SRPK2: variants seen among roughly 807,000 people sequenced by gnomAD.
SRPK2 encodes SRSF protein kinase 2, also known as SFRS protein kinase 2.
A neutral mutation model predicts 90.8 loss-of-function variants in SRPK2; 21 were observed. The observed-to-expected ratio is 0.23, with a 90% CI of 0.16 to 0.33. The LOEUF is 0.33. SRPK2 is among the 10% of genes least tolerant of loss of function. The pLI is 1.00. For missense variants in SRPK2, 620 were observed against 869.0 expected (o/e 0.71, Z 3.60); for synonymous variants, 288 against 311.1 (o/e 0.93, Z 0.78).
At chr7:105,257,103 T>C (rs1803428071) in intron 2 of SRPK2, among the ~76,000 whole-genome samples, 1 of 152,230 alleles carries the variant, frequency 6.6e-6, no homozygotes, top group African/African-American at 2.4e-5. Flanking sequence ...TGATATTCTG[T>C]ACAAAACCTA....
intron 2 of SRPK2, chr7:105,244,952 C>A: frequency 6.8e-7 from 1 of 1,461,656 alleles, no homozygotes; most frequent in Non-Finnish European, 9.4e-7. Flanking sequence ...TGAGGAAAGC[C>A]GCTGCCAAGA....
chr7:105,156,493 T>C (rs1022964029), intron 7 of SRPK2, among the ~76,000 whole-genome samples: 1 of 152,096 alleles, frequency 6.6e-6, no homozygotes, highest in South Asian at 2.1e-4. Context: ...GAGGAAGGTA[T>C]CATTTTTGTT....
chr7:105,204,706 G>T (rs1795981092), intron 2 of SRPK2: 2 of 848,074 alleles, frequency 2.4e-6, no homozygotes, highest in African/African-American at 3.4e-5. Flanking sequence ...GCTGCGTCTA[G>T]AAGAACAAGC....
chr7:105,311,982 T>C (rs148701365), intron 2 of SRPK2, among the ~76,000 whole-genome samples: 272 of 152,296 alleles, frequency 1.8e-3, no homozygotes, highest in African/African-American at 6.2e-3. Flanking sequence ...AGTAAACAAA[T>C]TGTGGTACAT....
chr7:105,206,017 C>G, intron 2 of SRPK2: 1 of 518,870 alleles, frequency 1.9e-6, no homozygotes, highest in African/African-American at 1.9e-5. Flanking sequence ...CAGTGCACGG[C>G]ACTACTGTAC....
chr7:105,351,334 C>T (rs1481652074), intron 2 of SRPK2, among the ~76,000 whole-genome samples: 1 of 151,916 alleles, frequency 6.6e-6, no homozygotes, highest in Non-Finnish European at 1.5e-5. Context: ...AATTCCTTTT[C>T]TTTATAAATT....
chr7:105,253,651 TAC>T (rs1262271462), intron 2 of SRPK2, among the ~76,000 whole-genome samples: 1 of 152,176 alleles, frequency 6.6e-6, no homozygotes, highest in Non-Finnish European at 1.5e-5. Flanking sequence ...GTCCTGAGAC[TAC>T]ACAGAGAGCA....
chr7:105,333,076 C>A (rs1305431516), intron 2 of SRPK2, among the ~76,000 whole-genome samples: 1 of 151,966 alleles, frequency 6.6e-6, no homozygotes, highest in Non-Finnish European at 1.5e-5. Flanking sequence ...CGCCTGTAAT[C>A]CCAGCCACTT....
At chr7:105,386,972 A>G (rs1821689410) in intron 2 of SRPK2, among the ~76,000 whole-genome samples, 1 of 152,204 alleles carries the variant, frequency 6.6e-6, no homozygotes, top group Non-Finnish European at 1.5e-5. Flanking sequence ...CTTCATCAAC[A>G]TACCACATAA....
intron 2 of SRPK2, among the ~76,000 whole-genome samples, chr7:105,317,992 C>A (rs1812494290): frequency 2.0e-5 from 3 of 152,172 alleles, no homozygotes. Context: ...CTCAAGCAAT[C>A]CACCCGACTC....
chr7:105,322,365 C>T lies in SRPK2; in HGVS notation c.71+66283G>A, dbSNP rs1000988669. Among the ~76,000 whole-genome samples, 6 of 151,358 alleles carry T rather than the reference C, an allele frequency of 4.0e-5. No homozygotes were observed. In the East Asian group the frequency reaches 5.8e-4, roughly 15 times the overall value. On this transcript the variant is annotated intron_variant, in intron 2 of 15. Transcript: ENST00000393651. ...CCAAGAGGTGGAGGCTGCAGTGCAC[C>T]GAGATCGTGACACGGCACTTCAGCC... is the stretch of plus-strand genomic sequence containing the variant.
At chr7:105,286,431 G>T (rs1808111727) in intron 2 of SRPK2, among the ~76,000 whole-genome samples, 1 of 152,122 alleles carries the variant, frequency 6.6e-6, no homozygotes, top group Non-Finnish European at 1.5e-5. Flanking sequence ...CCATAAAGAA[G>T]ATCAAAATTT....
chr7:105,329,242 C>A (rs1461905984), intron 2 of SRPK2, among the ~76,000 whole-genome samples: 1 of 151,962 alleles, frequency 6.6e-6, no homozygotes, highest in Non-Finnish European at 1.5e-5. Flanking sequence ...AAGCTCTTTT[C>A]TAAAATACAA....
intron 13 of SRPK2, among the ~76,000 whole-genome samples, chr7:105,131,544 G>A (rs1802003090): frequency 6.6e-6 from 1 of 152,148 alleles, no homozygotes; most frequent in Non-Finnish European, 1.5e-5. Flanking sequence ...GAAAGGCCTG[G>A]TGTTTCAGGA....
At chr7:105,170,896 AAAGAAAGAAAGAAAGAAAG>A in intron 3 of SRPK2, among the ~76,000 whole-genome samples, 1 of 106,204 alleles carries the variant, frequency 9.4e-6, no homozygotes, top group South Asian at 3.3e-4. Flanking sequence ...AGAAAGAAAG[AAAGAAAGAAAGAAAGAAAG>A]GAGAAAGAAA....
chr7:105,366,215 TCTC>T (rs2132349750), intron 2 of SRPK2, among the ~76,000 whole-genome samples: 1 of 152,148 alleles, frequency 6.6e-6, no homozygotes, highest in Non-Finnish European at 1.5e-5. Flanking sequence ...TCTCCTGCTA[TCTC>T]CTCATTTCTT....
Position 105,168,176 on chromosome 7 carries a change from T to C in SRPK2, c.339-81A>G, listed in dbSNP as rs562869982. 8.3e-6 allele frequency: 10 copies of C among 1,199,772 alleles called. No individual in the cohort carries two copies. In the South Asian group the frequency reaches 1.3e-4, roughly 15 times the overall value. The allele number at this position is 1,199,772 out of a possible 1,614,324, so 74.3% of individuals were successfully genotyped here. On this transcript the variant is annotated intron_variant, in intron 4 of 15. Transcript: ENST00000393651. ...CACTGGTATCCAGGTTGAGCATCCC[T>C]AATTGGAAAATGTAAAATCCAAAAT...
intron 9 of SRPK2, 56 bp from the exon 10 acceptor site, chr7:105,143,386 T>C: frequency 6.4e-7 from 1 of 1,570,074 alleles, no homozygotes; most frequent in Non-Finnish European, 8.6e-7. Context: ...ACCACGATAG[T>C]ATAACGACTA....
At chr7:105,293,936 T>C (rs1809430861) in intron 2 of SRPK2, among the ~76,000 whole-genome samples, 1 of 152,178 alleles carries the variant, frequency 6.6e-6, no homozygotes, top group African/African-American at 2.4e-5. Flanking sequence ...TCCCAGTTTA[T>C]CTTTTCCAGC....
Sources: gnomAD v4.1 joint callset for allele counts (sites outside exome capture counted in the v4.1 genomes callset) on GRCh38, gnomAD v4.1.1 for gene constraint, MANE v1.5 for transcripts, NCBI Gene and HGNC (gene_info 2026-07-23, HGNC 2026-07-21) for gene names.